GALNT13: variants seen among roughly 807,000 people sequenced by gnomAD.
The protein encoded by GALNT13 is polypeptide N-acetylgalactosaminyltransferase 13.
Under a neutral mutation model 64.2 loss-of-function variants are expected in GALNT13, and 28 were observed. That is an observed-to-expected ratio of 0.44 (90% confidence interval 0.32 to 0.60). The LOEUF (loss-of-function observed/expected upper bound fraction) is 0.60. Among genes scored for constraint, GALNT13 ranks in the 20% least tolerant of loss-of-function variants. The pLI, the probability that GALNT13 is intolerant of heterozygous loss-of-function variation, is 0.05. For synonymous variants in GALNT13, 214 were observed against 224.6 expected, an observed-to-expected ratio of 0.95 and a Z score of 0.42; for missense variants, 577 against 669.8, an observed-to-expected ratio of 0.86 and a Z score of 1.53.
the GALNT13 span, among the ~76,000 whole-genome samples, chr2:153,830,502 G>A: frequency 6.6e-6 from 1 of 152,042 alleles, no homozygotes; most frequent in African/African-American, 2.4e-5. Context: ...AATATTGCCA[G>A]TATTAAGTAG....
At chr2:153,863,019 C>T in the GALNT13 span, among the ~76,000 whole-genome samples, 2 of 152,176 alleles carry the variant, frequency 1.3e-5, 1 homozygote, top group Middle Eastern at 6.8e-3. Flanking sequence ...AATTTGGCCA[C>T]ATAGGTGAAT....
the GALNT13 span, among the ~76,000 whole-genome samples, chr2:153,660,113 A>G: frequency 2.0e-4 from 31 of 152,290 alleles, no homozygotes; most frequent in Admixed American, 1.4e-3. Context: ...TTGGAAAGAA[A>G]TGCTTTGGTG....
At chr2:153,942,499 G>A (rs1232072504) in intron 2 of GALNT13, among the ~76,000 whole-genome samples, 2 of 151,932 alleles carry the variant, frequency 1.3e-5, no homozygotes, top group African/African-American at 2.4e-5. Context: ...GAATGTACAC[G>A]GTAACAGGAA....
At chr2:153,149,012 G>T in the GALNT13 span, among the ~76,000 whole-genome samples, 4 of 151,808 alleles carry the variant, frequency 2.6e-5, no homozygotes, top group African/African-American at 9.7e-5. Flanking sequence ...ATTCATACAG[G>T]ATGATTTTAA....
intron 10 of GALNT13, among the ~76,000 whole-genome samples, chr2:154,398,729 G>A (rs1025687411): frequency 5.9e-5 from 9 of 152,072 alleles, no homozygotes; most frequent in African/African-American, 2.2e-4. Flanking sequence ...TCTGTCAACA[G>A]AATAAAGATA....
the GALNT13 span, among the ~76,000 whole-genome samples, chr2:153,145,113 T>G: frequency 5.7e-3 from 866 of 152,018 alleles, 8 homozygotes; most frequent in Admixed American, 8.6e-3. Flanking sequence ...ATGGTTTTAT[T>G]CCTCAAAACT....
At chr2:153,767,152 A>G in the GALNT13 span, among the ~76,000 whole-genome samples, 1 of 152,028 alleles carries the variant, frequency 6.6e-6, no homozygotes, top group Non-Finnish European at 1.5e-5. Context: ...TTATCTATCT[A>G]TCCATGTATA....
At chr2:153,817,182 G>A in the GALNT13 span, among the ~76,000 whole-genome samples, 3 of 152,198 alleles carry the variant, frequency 2.0e-5, no homozygotes, top group South Asian at 6.2e-4. Flanking sequence ...GTAATTACAT[G>A]TGAGTTTTCA....
chr2:153,987,287 G>T (rs1694863340), intron 3 of GALNT13, among the ~76,000 whole-genome samples: 1 of 151,856 alleles, frequency 6.6e-6, no homozygotes, highest in African/African-American at 2.4e-5. Context: ...TAGGGTTCTT[G>T]TGAAACTCAA....
In GALNT13 at chr2:153,959,311, T is replaced by C. The variant is rs570221447; in HGVS notation, c.142+14672T>C. 1.4e-4 allele frequency among the ~76,000 whole-genome samples: 22 copies of C among 152,110 alleles called. No homozygotes were observed. The East Asian group carries it at 3.5e-3, about 24-fold the overall frequency. ...AGCCAACAGTGAACCCAAGACCAAG[T>C]TGGGGGTCACAGAACAGTGTGACTC... On this transcript the variant is annotated intron_variant, in intron 3 of 12. Transcript: ENST00000392825.
intron 9 of GALNT13, among the ~76,000 whole-genome samples, chr2:154,391,948 C>G (rs1398555218): frequency 6.6e-6 from 1 of 151,914 alleles, no homozygotes; most frequent in Non-Finnish European, 1.5e-5. Context: ...CAGAATAAAC[C>G]TGAAGAAGTA....
chr2:154,287,183 GA>G, intron 8 of GALNT13: 1 of 1,484,748 alleles, frequency 6.7e-7, no homozygotes, highest in Non-Finnish European at 9.3e-7. Context: ...GGCTCAGCAG[GA>G]AGCAGAGAGG....
chr2:153,646,270 C>T, the GALNT13 span, among the ~76,000 whole-genome samples: 1 of 151,556 alleles, frequency 6.6e-6, no homozygotes, highest in Non-Finnish European at 1.5e-5. Flanking sequence ...TATTAGTGAC[C>T]CCTGAAACAT....
At chr2:154,324,334 TAC>T (rs1694773248) in intron 9 of GALNT13, among the ~76,000 whole-genome samples, 3 of 152,122 alleles carry the variant, frequency 2.0e-5, no homozygotes, top group African/African-American at 4.8e-5. Flanking sequence ...ATTTTAAAAT[TAC>T]ATGCAAAGGG....
At chr2:154,287,718 T>C (rs993151919) in intron 8 of GALNT13, among the ~76,000 whole-genome samples, 9 of 152,114 alleles carry the variant, frequency 5.9e-5, no homozygotes, top group African/African-American at 2.2e-4. Context: ...AGCATCTTTA[T>C]TACTGTTCTT....
At chr2:153,313,051 G>T in the GALNT13 span, among the ~76,000 whole-genome samples, 2 of 152,152 alleles carry the variant, frequency 1.3e-5, 1 homozygote, top group African/African-American at 4.8e-5. Flanking sequence ...ACAGATGCTG[G>T]CTAGGTTGCA....
intron 3 of GALNT13, among the ~76,000 whole-genome samples, chr2:153,993,769 A>G (rs1695326756): frequency 6.6e-6 from 1 of 151,924 alleles, no homozygotes; most frequent in Non-Finnish European, 1.5e-5. Flanking sequence ...AAGGATGCCA[A>G]ATTTTGGTGG....
intron 3 of GALNT13, among the ~76,000 whole-genome samples, chr2:153,957,524 T>C (rs534256721): frequency 1.3e-5 from 2 of 152,286 alleles, no homozygotes; most frequent in African/African-American, 4.8e-5. Context: ...AGCTCTAGAA[T>C]TGATGGAGAG....
the GALNT13 span, among the ~76,000 whole-genome samples, chr2:153,098,684 A>G: frequency 6.6e-6 from 1 of 152,202 alleles, no homozygotes; most frequent in Middle Eastern, 3.4e-3. Context: ...CAATTTATCT[A>G]TTGTATTGTT....
Sources: gnomAD v4.1 joint callset for allele counts (sites outside exome capture counted in the v4.1 genomes callset) on GRCh38, gnomAD v4.1.1 for gene constraint, MANE v1.5 for transcripts, NCBI Gene and HGNC (gene_info 2026-07-23, HGNC 2026-07-21) for gene names.